KCNIP4: variants seen among roughly 807,000 people sequenced by gnomAD.
The protein encoded by KCNIP4 is potassium voltage-gated channel interacting protein 4, also known as Kv channel-interacting protein 4.
In KCNIP4, 12 loss-of-function variants were observed where a neutral mutation model predicts 34.0. The ratio of observed to expected loss-of-function variants is 0.35; its 90% CI spans 0.23 to 0.57. The LOEUF (loss-of-function observed/expected upper bound fraction) is 0.57, where lower values mean the gene tolerates loss of function less well. KCNIP4 is among the 20% of genes least tolerant of loss of function. The pLI is 0.83. For synonymous variants in KCNIP4, 124 were observed against 102.2 expected (o/e 1.21, Z -1.29); for missense variants, 238 against 311.7 (o/e 0.76, Z 1.78).
intron 1 of KCNIP4, among the ~76,000 whole-genome samples, chr4:21,880,552 T>C (rs1578104799): frequency 6.6e-6 from 1 of 152,244 alleles, no homozygotes; most frequent in East Asian, 1.9e-4. Flanking sequence ...TTATTAGTCA[T>C]AGTTCTTCCT....
intron 1 of KCNIP4, among the ~76,000 whole-genome samples, chr4:21,469,546 C>G (rs1348512650): frequency 6.6e-6 from 1 of 152,116 alleles, no homozygotes; most frequent in Non-Finnish European, 1.5e-5. Flanking sequence ...CCTTTCCTTT[C>G]AATGAAAACG....
chr4:21,258,143 A>C (rs2109096660), intron 1 of KCNIP4, among the ~76,000 whole-genome samples: 1 of 152,276 alleles, frequency 6.6e-6, no homozygotes, highest in African/African-American at 2.4e-5. Flanking sequence ...GAGCTATGAA[A>C]CAGTAGGGAT....
chr4:21,354,426 T>C (rs1560320144), intron 1 of KCNIP4, among the ~76,000 whole-genome samples: 1 of 152,052 alleles, frequency 6.6e-6, no homozygotes, highest in Non-Finnish European at 1.5e-5. Context: ...GAGACACACA[T>C]AGGCTTAAAA....
intron 1 of KCNIP4, among the ~76,000 whole-genome samples, chr4:20,936,140 T>G (rs1265450998): frequency 6.6e-6 from 1 of 152,170 alleles, no homozygotes; most frequent in East Asian, 1.9e-4. Context: ...GAACTGTTAT[T>G]CAAAGGATTA....
At chr4:21,739,062 T>C (rs1716220281) in intron 1 of KCNIP4, among the ~76,000 whole-genome samples, 1 of 152,020 alleles carries the variant, frequency 6.6e-6, no homozygotes, top group African/African-American at 2.4e-5. Context: ...CAATACAGAG[T>C]GCTGGATTGG....
chr4:21,818,161 C>G (rs368395645), intron 1 of KCNIP4, among the ~76,000 whole-genome samples: 1 of 152,126 alleles, frequency 6.6e-6, no homozygotes, highest in Non-Finnish European at 1.5e-5. Flanking sequence ...CTGTAAAATT[C>G]CTCTCTTTAT....
At chr4:20,991,662 A>G (rs1192581649) in intron 1 of KCNIP4, among the ~76,000 whole-genome samples, 1 of 152,208 alleles carries the variant, frequency 6.6e-6, no homozygotes, top group Admixed American at 6.5e-5. Flanking sequence ...CCACCAGTCT[A>G]TGCGTCTCTT....
At chr4:21,520,090 G>T (rs1035779651) in intron 1 of KCNIP4, among the ~76,000 whole-genome samples, 26 of 151,902 alleles carry the variant, frequency 1.7e-4, no homozygotes, top group African/African-American at 6.3e-4. Context: ...CTCCTTTCAC[G>T]TTTTTCGGCC....
intron 1 of KCNIP4, among the ~76,000 whole-genome samples, chr4:21,629,822 A>C (rs1330305843): frequency 6.7e-6 from 1 of 149,466 alleles, no homozygotes; most frequent in Non-Finnish European, 1.5e-5. Context: ...TGATGTCAGA[A>C]AACCATATTT....
chr4:21,800,702 G>A (rs2109252044), intron 1 of KCNIP4, among the ~76,000 whole-genome samples: 1 of 152,134 alleles, frequency 6.6e-6, no homozygotes, highest in African/African-American at 2.4e-5. Context: ...AATAAAACAG[G>A]ACCTACAGGA....
chr4:21,683,732 C>T (rs1441279741), intron 1 of KCNIP4, among the ~76,000 whole-genome samples: 3 of 152,038 alleles, frequency 2.0e-5, no homozygotes, highest in Admixed American at 2.0e-4. Flanking sequence ...CTATAGTATA[C>T]TGTCTTGCCA....
intron 1 of KCNIP4, among the ~76,000 whole-genome samples, chr4:21,461,852 C>T (rs1294190296): frequency 2.6e-5 from 4 of 151,986 alleles, no homozygotes; most frequent in African/African-American, 2.4e-5. Context: ...TTTACCTCCA[C>T]GACTTTCTGG....
intron 1 of KCNIP4, among the ~76,000 whole-genome samples, chr4:21,063,652 T>C (rs1560688497): frequency 1.3e-5 from 2 of 152,078 alleles, no homozygotes; most frequent in Non-Finnish European, 2.9e-5. Context: ...ATCACACCAG[T>C]CTAAAGAAAA....
chr4:21,947,494 G>C lies in KCNIP4; in HGVS notation c.61+1077C>G, dbSNP rs945858697. Among the ~76,000 whole-genome samples, 8 of 152,264 alleles carry C rather than the reference G, an allele frequency of 5.3e-5. No individual in the cohort carries two copies. In the East Asian group the frequency reaches 1.5e-3, roughly 29 times the overall value. ...CCGGTTACGATGACCTTAACTATTG[G>C]AGTGAGGAAAAGAAAGGGAGGGTGT... On this transcript the variant is annotated intron_variant, in intron 1 of 8. Transcript: ENST00000382152.
chr4:20,994,763 G>A (rs182248709), intron 1 of KCNIP4, among the ~76,000 whole-genome samples: 12 of 152,288 alleles, frequency 7.9e-5, no homozygotes, highest in Admixed American at 2.0e-4. Context: ...AGCTAATTCA[G>A]CCTTCTTAGG....
chr4:21,262,623 C>T (rs188195537), intron 1 of KCNIP4, among the ~76,000 whole-genome samples: 1 of 152,248 alleles, frequency 6.6e-6, no homozygotes, highest in African/African-American at 2.4e-5. Flanking sequence ...ATTTATTCTC[C>T]TTCCCTTTCT....
At chr4:21,296,944 G>A (rs1471735477) in intron 1 of KCNIP4, among the ~76,000 whole-genome samples, 1 of 151,640 alleles carries the variant, frequency 6.6e-6, no homozygotes, top group Non-Finnish European at 1.5e-5. Context: ...GAACAATTAA[G>A]GTAACTGCCC....
At chr4:21,716,836 C>T (rs142424152) in intron 1 of KCNIP4, among the ~76,000 whole-genome samples, 1 of 152,234 alleles carries the variant, frequency 6.6e-6, no homozygotes, top group Non-Finnish European at 1.5e-5. Flanking sequence ...ATAGCCATTC[C>T]TCCTTTTGGG....
rs11934356 is a variant in KCNIP4, at chr4:20,864,228, A to G, written c.164-13561T>C. 4.8e-5 allele frequency among the ~76,000 whole-genome samples: 7 copies of G among 144,794 alleles called. No homozygotes were observed. In the East Asian group the frequency reaches 6.2e-4, roughly 13 times the overall value. The allele number at this position is 144,794 out of a possible 152,430, so 95.0% of individuals were successfully genotyped here. A position where few individuals can be genotyped will look rare whatever the true frequency, so the allele number is the denominator to read the frequency against. ...CACACATGCATGTATATATGCATAT[A>G]TATGTACACATATGTATGTATATAT... is the stretch of plus-strand genomic sequence containing the variant. On this transcript the variant is annotated intron_variant, in intron 2 of 8. Transcript: ENST00000382152.
Sources: gnomAD v4.1 joint callset for allele counts (sites outside exome capture counted in the v4.1 genomes callset) on GRCh38, gnomAD v4.1.1 for gene constraint, MANE v1.5 for transcripts, NCBI Gene and HGNC (gene_info 2026-07-23, HGNC 2026-07-21) for gene names.